Variants in ALDH3B2 observed in about 807,000 individuals in gnomAD.
The protein encoded by ALDH3B2 is aldehyde dehydrogenase 3 family member B2, also known as aldehyde dehydrogenase family 3 member B2.
A neutral mutation model predicts 36.7 loss-of-function variants in ALDH3B2; 45 were observed. That is an observed-to-expected ratio of 1.23 (90% CI 0.97 to 1.57). ALDH3B2 has a LOEUF of 1.57. Among genes scored for constraint, ALDH3B2 ranks in the 40% most tolerant of loss-of-function variants. The pLI is 0.00. For missense variants in ALDH3B2, 464 were observed against 513.3 expected (o/e 0.90, Z 0.93); for synonymous variants, 217 against 226.5 (o/e 0.96, Z 0.38).
At chr11:67,665,560 G>A in exon 7 of ALDH3B2, 1 of 1,614,138 alleles carries the variant, frequency 6.2e-7, no homozygotes, top group Non-Finnish European at 8.5e-7. Flanking sequence ...CACGGTCTGG[G>A]GGTCGCAGTT....
Position 67,667,035 on chromosome 11 carries a change from T to G in ALDH3B2, c.-81-19A>C. The G allele has an allele frequency of 4.0e-6, 6 of 1,483,360 alleles. No individual in the cohort carries two copies. Among genetic ancestry groups the G allele is most frequent in the Non-Finnish European group, 3.8e-6 (4 of 1,066,354 alleles). 91.9% of individuals were successfully genotyped at this position (1,483,360 alleles called of 1,614,324 possible). Reference sequence around the variant, plus strand: ...AAGCTGGCTGTGGTGGAGGTGGAATTCAGAGTGGTCAGGCCCAGACCTGGG... The same window carrying G: ...AAGCTGGCTGTGGTGGAGGTGGAATGCAGAGTGGTCAGGCCCAGACCTGGG... On this transcript the variant is annotated intron_variant, in intron 2 of 9. Coordinates refer to ENST00000349015, the Ensembl canonical transcript of ALDH3B2.
rs1855893092 is a variant in ALDH3B2, at chr11:67,665,845, C to G, written c.320-174G>C. Among the ~76,000 whole-genome samples the G allele has an allele frequency of 1.3e-5, 2 of 152,162 alleles. 1 individual carries two copies. Among genetic ancestry groups the G allele is most frequent in the South Asian group, 4.1e-4 (2 of 4,832 alleles). On this transcript the variant is annotated intron_variant, in intron 6 of 9. Transcript: ENST00000349015. ...GACCACACACTCCAGGCACCTGACTCTTGCCCGCTTTCTTCATAGAAAGTC... is the reference window on the plus strand; with the variant it reads ...GACCACACACTCCAGGCACCTGACTGTTGCCCGCTTTCTTCATAGAAAGTC...
chr11:67,680,048 T>C (rs1192084681), intron 1 of ALDH3B2, among the ~76,000 whole-genome samples: 3 of 151,282 alleles, frequency 2.0e-5, no homozygotes, highest in Non-Finnish European at 4.4e-5. Flanking sequence ...AGGCATGGTG[T>C]CTCATGCCTG....
chr11:67,665,837 A>G (rs946098168), intron 6 of ALDH3B2, among the ~76,000 whole-genome samples, 166 bp from the exon 7 acceptor site: 21 of 151,880 alleles, frequency 1.4e-4, no homozygotes, highest in Non-Finnish European at 2.9e-4. Flanking sequence ...CACTCCAGGC[A>G]CCTGACTCTT....
At chr11:67,666,599 C>A (rs1855923142) in exon 4 of ALDH3B2, 1 of 1,613,972 alleles carries the variant, frequency 6.2e-7, no homozygotes, top group Non-Finnish European at 8.5e-7. Flanking sequence ...CCACCAGGAG[C>A]ACCAGGGTCA....
At chr11:67,678,098 C>T (rs1201743075), upstream of ALDH3B2, among the ~76,000 whole-genome samples, 1 of 152,140 alleles carries the variant, frequency 6.6e-6, no homozygotes, top group African/African-American at 2.4e-5. Flanking sequence ...TCTTTCTTCA[C>T]AGAGTTAGAA....
intron 7 of ALDH3B2, 101 bp downstream of exon 7, chr11:67,665,183 GC>G: frequency 6.6e-7 from 1 of 1,509,174 alleles, no homozygotes. Context: ...TGATAGTGGG[GC>G]CGGGTTTCAG....
intron 8 of ALDH3B2, 46 bp from the exon 9 acceptor site, chr11:67,663,807 G>A (rs1855820351): frequency 6.5e-7 from 1 of 1,533,782 alleles, no homozygotes; most frequent in Non-Finnish European, 8.9e-7. Flanking sequence ...GTCATGAGAA[G>A]AGGGCTTGAG....
At chr11:67,671,882 G>A (rs1429635298) in intron 1 of ALDH3B2, among the ~76,000 whole-genome samples, 1 of 149,630 alleles carries the variant, frequency 6.7e-6, no homozygotes, top group Non-Finnish European at 1.5e-5. Context: ...TCTGCCCACC[G>A]AGATAGATGC....
intron 8 of ALDH3B2, 23 bp from the exon 9 acceptor site, chr11:67,663,784 G>T (rs1332531702): frequency 6.9e-6 from 11 of 1,596,132 alleles, no homozygotes; most frequent in Non-Finnish European, 9.4e-6. Context: ...GAGAAGGTGG[G>T]TGTTGGGCTC....
At chr11:67,664,104 C>T (rs1855829335) in intron 8 of ALDH3B2, 2 of 575,464 alleles carry the variant, frequency 3.5e-6, no homozygotes, top group Non-Finnish European at 6.2e-6. Context: ...TGCTCTGTCC[C>T]TGACCTCCAT....
chr11:67,677,160 T>C (rs73492547), upstream of ALDH3B2, among the ~76,000 whole-genome samples: 2,132 of 152,138 alleles, frequency 0.014, 35 homozygotes, highest in East Asian at 0.068. Context: ...AAAAAGGAAA[T>C]GACAGACTGA....
At chr11:67,666,226 C>T (rs1224164035) in intron 5 of ALDH3B2, 23 bp from the exon 6 acceptor site, 7 of 1,520,236 alleles carry the variant, frequency 4.6e-6, no homozygotes, top group African/African-American at 3.6e-5. Context: ...ATGAGAGGCT[C>T]GGGGCGGGCT....
chr11:67,677,320 A>C (rs1282440286), upstream of ALDH3B2, among the ~76,000 whole-genome samples: 1 of 152,192 alleles, frequency 6.6e-6, no homozygotes, highest in Non-Finnish European at 1.5e-5. Flanking sequence ...AATAAATGTG[A>C]TGCATCACAT....
Position 67,666,296 on chromosome 11 carries a change from T to C in ALDH3B2, c.237+20A>G, listed in dbSNP as rs377366721. On this transcript the variant is annotated intron_variant, in intron 5 of 9. Transcript: ENST00000349015. ...GATATATGGGGACGTCGGGCACTGCTGGGGCAGGGCCACCCTCACCTGGTC... is the reference window on the plus strand; with the variant it reads ...GATATATGGGGACGTCGGGCACTGCCGGGGCAGGGCCACCCTCACCTGGTC... The C allele has an allele frequency of 1.2e-6, 2 of 1,610,088 alleles. No individual in the cohort carries two copies. The highest frequency in any genetic ancestry group is 3.4e-5 in the Admixed American group (2 of 59,268).
At chr11:67,675,329 A>G (rs1298476019), upstream of ALDH3B2, among the ~76,000 whole-genome samples, 1 of 152,220 alleles carries the variant, frequency 6.6e-6, no homozygotes, top group East Asian at 1.9e-4. Flanking sequence ...AGAATGGAAA[A>G]GGCAGATCAC....
intron 7 of ALDH3B2, among the ~76,000 whole-genome samples, chr11:67,664,915 A>G (rs548101062): frequency 1.3e-5 from 2 of 152,342 alleles, no homozygotes; most frequent in Non-Finnish European, 2.9e-5. Flanking sequence ...CATACGGCCC[A>G]GGAGACTGGG....
upstream of ALDH3B2, among the ~76,000 whole-genome samples, chr11:67,679,328 A>C (rs753898324): frequency 3.9e-5 from 6 of 151,962 alleles, no homozygotes; most frequent in Non-Finnish European, 4.4e-5. Flanking sequence ...AAAATTAGCC[A>C]TGCATTGTGG....
chr11:67,673,526 G>A (rs1325763999), intron 1 of ALDH3B2, among the ~76,000 whole-genome samples: 3 of 152,204 alleles, frequency 2.0e-5, no homozygotes, highest in Non-Finnish European at 4.4e-5. Context: ...AGGGACCAAC[G>A]TGTGCAAAAG....
Sources: gnomAD v4.1 joint callset for allele counts (sites outside exome capture counted in the v4.1 genomes callset) on GRCh38, gnomAD v4.1.1 for gene constraint, MANE v1.5 for transcripts, NCBI Gene and HGNC (gene_info 2026-07-23, HGNC 2026-07-21) for gene names.